The following NSMCE2 variants were observed in gnomAD, a reference collection of about 807,000 sequenced individuals.
NSMCE2 encodes E3 SUMO-protein ligase NSE2.
In NSMCE2, 24 loss-of-function variants were observed where a neutral mutation model predicts 23.8. The observed-to-expected ratio is 1.01, with a 90% CI of 0.73 to 1.42. NSMCE2 has a LOEUF of 1.42. Ranked by LOEUF, NSMCE2 falls within the 40% of genes most tolerant of loss-of-function variation. The probability of loss-of-function intolerance (pLI) is 0.00; values close to 1 mark genes in which losing one functional copy is unlikely to be tolerated. For synonymous variants in NSMCE2, 92 were observed against 94.1 expected (o/e 0.98, Z 0.13); for missense variants, 284 against 296.5 (o/e 0.96, Z 0.31).
intron 1 of NSMCE2, among the ~76,000 whole-genome samples, chr8:125,098,250 A>T (rs1818029702): frequency 6.6e-6 from 1 of 152,192 alleles, no homozygotes. Context: ...GATATATCAG[A>T]GTTAGAATTA....
intron 7 of NSMCE2, among the ~76,000 whole-genome samples, chr8:125,365,941 T>G (rs891651982): frequency 6.6e-6 from 1 of 152,178 alleles, no homozygotes; most frequent in South Asian, 2.1e-4. Flanking sequence ...CCCTCTTGCC[T>G]GGGTCGCTGC....
intron 5 of NSMCE2, among the ~76,000 whole-genome samples, chr8:125,222,552 C>G (rs1053214044): frequency 1.3e-5 from 2 of 152,140 alleles, no homozygotes; most frequent in African/African-American, 4.8e-5. Context: ...CTGGTAACCA[C>G]CATGCTATTC....
At chr8:125,213,949 G>A (rs1824466798) in intron 5 of NSMCE2, among the ~76,000 whole-genome samples, 1 of 152,072 alleles carries the variant, frequency 6.6e-6, no homozygotes, top group Non-Finnish European at 1.5e-5. Context: ...ATTCCAGTTT[G>A]TAATTCTTAC....
chr8:125,285,899 A>G (rs1310608330), intron 5 of NSMCE2, among the ~76,000 whole-genome samples: 1 of 152,078 alleles, frequency 6.6e-6, no homozygotes, highest in East Asian at 1.9e-4. Flanking sequence ...GGTCACATGT[A>G]TGTCTCAGTG....
At chr8:125,269,718 T>G (rs1827096156) in intron 5 of NSMCE2, among the ~76,000 whole-genome samples, 1 of 152,230 alleles carries the variant, frequency 6.6e-6, no homozygotes, top group Non-Finnish European at 1.5e-5. Flanking sequence ...GCAAATCGTT[T>G]AAGTCTGTGT....
chr8:125,274,262 CT>C (rs923099847), intron 5 of NSMCE2, among the ~76,000 whole-genome samples: 2 of 152,040 alleles, frequency 1.3e-5, no homozygotes, highest in Middle Eastern at 3.2e-3. Flanking sequence ...CAAAAAAAAA[CT>C]TTTTAACTTA....
chr8:125,187,710 T>G (rs1312903243), intron 5 of NSMCE2, among the ~76,000 whole-genome samples: 1 of 152,126 alleles, frequency 6.6e-6, no homozygotes, highest in East Asian at 1.9e-4. Context: ...AGCCCTTATG[T>G]TTTGAAAGTT....
At chr8:125,295,243 G>A (rs761459579) in intron 5 of NSMCE2, among the ~76,000 whole-genome samples, 5 of 151,962 alleles carry the variant, frequency 3.3e-5, no homozygotes, top group Non-Finnish European at 5.9e-5. Context: ...ACCTTCTGGG[G>A]CCCCTAATCT....
At chr8:125,101,817 C>T (rs1392006441) in intron 1 of NSMCE2, among the ~76,000 whole-genome samples, 2 of 152,130 alleles carry the variant, frequency 1.3e-5, no homozygotes, top group African/African-American at 4.8e-5. Flanking sequence ...CTGTTAGAAG[C>T]CAGAGGAACT....
At chr8:125,266,323 C>T (rs7812682) in intron 5 of NSMCE2, among the ~76,000 whole-genome samples, 1 of 151,994 alleles carries the variant, frequency 6.6e-6, no homozygotes, top group South Asian at 2.1e-4. Flanking sequence ...TTTTTTAAAC[C>T]CCATCAAACT....
intron 5 of NSMCE2, chr8:125,348,702 G>C (rs1812889133): frequency 6.6e-6 from 1 of 152,028 alleles, no homozygotes; most frequent in South Asian, 2.1e-4. Flanking sequence ...TCTCTTGCCT[G>C]CCGCCATGTA....
chr8:125,140,065 A>G (rs1024831748), intron 3 of NSMCE2, among the ~76,000 whole-genome samples: 3 of 152,226 alleles, frequency 2.0e-5, no homozygotes, highest in African/African-American at 4.8e-5. Flanking sequence ...CCTCACAGCA[A>G]TGGTTGCCTC....
intron 5 of NSMCE2, among the ~76,000 whole-genome samples, chr8:125,260,887 G>A (rs1826663787): frequency 6.6e-6 from 1 of 152,000 alleles, no homozygotes; most frequent in Admixed American, 6.6e-5. Flanking sequence ...GCCTCTCAAA[G>A]TGCTAGGATT....
intron 5 of NSMCE2, among the ~76,000 whole-genome samples, chr8:125,307,358 G>A (rs1333779499): frequency 6.6e-6 from 1 of 152,246 alleles, no homozygotes; most frequent in Non-Finnish European, 1.5e-5. Flanking sequence ...TAGGCAGGCG[G>A]CCAGCCAGCC....
chr8:125,282,884 C>T (rs1368952664), intron 5 of NSMCE2, among the ~76,000 whole-genome samples: 1 of 152,186 alleles, frequency 6.6e-6, no homozygotes, highest in Non-Finnish European at 1.5e-5. Flanking sequence ...AATATTTTTA[C>T]CGAAATTATG....
rs185623891 is a variant in NSMCE2, at chr8:125,359,598, G to A, written c.626+1780G>A. Among the ~76,000 whole-genome samples the A allele has an allele frequency of 8.2e-4, 125 of 152,186 alleles. 2 individuals carry two copies. Among genetic ancestry groups the A allele is most frequent in the South Asian group, 2.1e-3 (10 of 4,826 alleles). On this transcript the variant is annotated intron_variant, in intron 7 of 7. Coordinates refer to ENST00000287437, the MANE Select transcript of NSMCE2 (RefSeq NM_173685.4). ...TCTGCCCGCTTCGGCCTCCCAAAGT[G>A]TTGGGATTACAGGCATGAGCCATCG... is the stretch of plus-strand genomic sequence containing the variant.
At chr8:125,139,316 G>A (rs1820233496) in intron 3 of NSMCE2, among the ~76,000 whole-genome samples, 1 of 152,194 alleles carries the variant, frequency 6.6e-6, no homozygotes, top group Non-Finnish European at 1.5e-5. Context: ...TGTTGAATGA[G>A]TGAATGGAAG....
chr8:125,326,634 A>G (rs1011216756), intron 5 of NSMCE2, among the ~76,000 whole-genome samples: 21 of 148,312 alleles, frequency 1.4e-4, no homozygotes, highest in South Asian at 1.3e-3. Context: ...ATTCTTTTAT[A>G]AGTTTAAAAA....
chr8:125,281,182 A>G (rs1276820668), intron 5 of NSMCE2, among the ~76,000 whole-genome samples: 1 of 152,236 alleles, frequency 6.6e-6, no homozygotes, highest in Non-Finnish European at 1.5e-5. Flanking sequence ...TCTTTTCCCA[A>G]CTGTGCAGAA....
Sources: gnomAD v4.1 joint callset for allele counts (sites outside exome capture counted in the v4.1 genomes callset) on GRCh38, gnomAD v4.1.1 for gene constraint, MANE v1.5 for transcripts, NCBI Gene and HGNC (gene_info 2026-07-23, HGNC 2026-07-21) for gene names.